AGBL4: variants seen among roughly 807,000 people sequenced by gnomAD.
AGBL4 encodes the protein cytosolic carboxypeptidase 6.
AGBL4 carries 58 observed loss-of-function variants against 66.4 expected under a neutral mutation model. The observed-to-expected ratio is 0.87, with a 90% confidence interval of 0.71 to 1.09. The LOEUF (loss-of-function observed/expected upper bound fraction) is 1.09. Among genes scored for constraint, AGBL4 ranks in the 50% least tolerant of loss-of-function variants. The pLI is 0.00. For missense variants in AGBL4, 579 were observed against 631.0 expected, an observed-to-expected ratio of 0.92 and a Z score of 0.88; for synonymous variants, 234 against 222.9, an observed-to-expected ratio of 1.05 and a Z score of -0.44.
chr1:49,840,308 T>C (rs1645958116), intron 2 of AGBL4, among the ~76,000 whole-genome samples: 2 of 152,196 alleles, frequency 1.3e-5, no homozygotes, highest in Non-Finnish European at 2.9e-5. Context: ...GTGGGAATAG[T>C]TGTAATGTTG....
chr1:49,965,083 T>C (rs971505092), intron 1 of AGBL4, among the ~76,000 whole-genome samples: 4 of 152,230 alleles, frequency 2.6e-5, no homozygotes, highest in African/African-American at 9.6e-5. Context: ...TTACTTAACC[T>C]CTTTATGCTA....
intron 3 of AGBL4, among the ~76,000 whole-genome samples, chr1:49,582,435 G>A (rs1471366825): frequency 6.6e-6 from 1 of 152,126 alleles, no homozygotes; most frequent in East Asian, 1.9e-4. Flanking sequence ...AGTCAGATGA[G>A]GTAGTTCATG....
At chr1:48,706,179 T>C (rs1451759930) in intron 6 of AGBL4, among the ~76,000 whole-genome samples, 1 of 152,208 alleles carries the variant, frequency 6.6e-6, no homozygotes, top group Non-Finnish European at 1.5e-5. Context: ...GTTCATTATA[T>C]GATTATGCTT....
chr1:49,122,465 C>T (rs969237318), intron 4 of AGBL4, among the ~76,000 whole-genome samples: 18 of 152,092 alleles, frequency 1.2e-4, no homozygotes, highest in African/African-American at 4.3e-4. Context: ...TGCTGCAGGC[C>T]ACATGACACT....
At chr1:49,860,936 C>T (rs1289214473) in intron 1 of AGBL4, among the ~76,000 whole-genome samples, 2 of 152,068 alleles carry the variant, frequency 1.3e-5, no homozygotes, top group South Asian at 2.1e-4. Flanking sequence ...ATCACCAATG[C>T]GACCCCTCCC....
chr1:49,851,312 CTGAATGG>C (rs1571714475), intron 2 of AGBL4, 77 bp downstream of exon 2: 1 of 1,388,228 alleles, frequency 7.2e-7, no homozygotes, highest in African/African-American at 1.5e-5. Context: ...TTGAATTGCA[CTGAATGG>C]TCACATAAAA....
intron 3 of AGBL4, among the ~76,000 whole-genome samples, chr1:49,585,618 T>A (rs191077820): frequency 1.3e-5 from 2 of 152,084 alleles, no homozygotes; most frequent in Non-Finnish European, 2.9e-5. Flanking sequence ...ATCATCTTAA[T>A]TATTGACTTT....
intron 5 of AGBL4, among the ~76,000 whole-genome samples, chr1:49,011,305 G>C (rs946036463): frequency 6.6e-6 from 1 of 152,064 alleles, no homozygotes; most frequent in Non-Finnish European, 1.5e-5. Flanking sequence ...GGCCATCAGA[G>C]AAATGCAAAT....
intron 1 of AGBL4, among the ~76,000 whole-genome samples, chr1:49,900,354 T>C (rs935716766): frequency 1.3e-5 from 2 of 152,078 alleles, no homozygotes; most frequent in Admixed American, 6.5e-5. Context: ...CAAGCGATTC[T>C]CCTGCCTCAA....
chr1:49,517,094 C>T (rs1276753365), intron 3 of AGBL4, among the ~76,000 whole-genome samples: 4 of 151,948 alleles, frequency 2.6e-5, no homozygotes, highest in Admixed American at 1.3e-4. Context: ...GGGAAGGCAG[C>T]TGAGCCAGTG....
intron 3 of AGBL4, among the ~76,000 whole-genome samples, chr1:49,688,472 T>C (rs186247140): frequency 6.6e-6 from 1 of 152,312 alleles, no homozygotes; most frequent in Admixed American, 6.5e-5. Context: ...CTTTATCCAT[T>C]CATCTGTTGA....
chr1:49,029,373 A>C (rs1465013379), intron 5 of AGBL4, among the ~76,000 whole-genome samples: 1 of 152,210 alleles, frequency 6.6e-6, no homozygotes, highest in Admixed American at 6.5e-5. Context: ...TGCAGAATGA[A>C]AATGCAAAGC....
chr1:49,885,652 C>T (rs1363715840), intron 1 of AGBL4, among the ~76,000 whole-genome samples: 1 of 151,936 alleles, frequency 6.6e-6, no homozygotes, highest in Admixed American at 6.6e-5. Flanking sequence ...TATTTTTGCA[C>T]CCACCCTGTC....
chr1:48,761,532 G>A, intron 6 of AGBL4: 1 of 1,485,002 alleles, frequency 6.7e-7, no homozygotes, highest in Non-Finnish European at 9.0e-7. Flanking sequence ...TATGAGTTTA[G>A]AATGCCCAAA....
intron 2 of AGBL4, among the ~76,000 whole-genome samples, chr1:49,758,359 TG>T (rs907260091): frequency 1.8e-4 from 28 of 152,122 alleles, no homozygotes; most frequent in Admixed American, 6.6e-5. Flanking sequence ...GGGTCCTCAC[TG>T]GGGGTGCTAC....
intron 2 of AGBL4, among the ~76,000 whole-genome samples, chr1:49,752,399 T>C (rs1222255108): frequency 6.6e-6 from 1 of 152,208 alleles, no homozygotes; most frequent in East Asian, 1.9e-4. Context: ...GTGAGTTTCT[T>C]AATCCTGAGT....
At chr1:49,971,344 G>C (rs1658066534) in intron 1 of AGBL4, among the ~76,000 whole-genome samples, 1 of 152,124 alleles carries the variant, frequency 6.6e-6, no homozygotes, top group Admixed American at 6.5e-5. Flanking sequence ...TCAGTTATCA[G>C]ATCAATTGTT....
chr1:48,946,392 G>C (rs1310278564), intron 5 of AGBL4, among the ~76,000 whole-genome samples: 4 of 152,204 alleles, frequency 2.6e-5, no homozygotes, highest in African/African-American at 9.7e-5. Flanking sequence ...ACATTACTTA[G>C]TGACAGCTTG....
chr1:48,818,363 T>G, intron 6 of AGBL4: 1 of 680,534 alleles, frequency 1.5e-6, no homozygotes, highest in Non-Finnish European at 2.7e-6. Context: ...CATGAAACAT[T>G]GCACTAAGTG....
Sources: gnomAD v4.1 joint callset for allele counts (sites outside exome capture counted in the v4.1 genomes callset) on GRCh38, gnomAD v4.1.1 for gene constraint, MANE v1.5 for transcripts, NCBI Gene and HGNC (gene_info 2026-07-23, HGNC 2026-07-21) for gene names.